Variants in METTL24 observed in about 807,000 individuals in gnomAD.
The protein encoded by METTL24 is probable methyltransferase-like protein 24.
METTL24 carries 29 observed loss-of-function variants against 32.7 expected under a neutral mutation model. The ratio of observed to expected loss-of-function variants is 0.89; its 90% CI spans 0.66 to 1.21. METTL24 has a LOEUF of 1.21. METTL24 is among the 50% of genes most tolerant of loss of function. The pLI, the probability that METTL24 is intolerant of heterozygous loss-of-function variation, is 0.00. For synonymous variants in METTL24, 163 were observed against 179.5 expected, an observed-to-expected ratio of 0.91 and a Z score of 0.73; for missense variants, 439 against 468.1, an observed-to-expected ratio of 0.94 and a Z score of 0.57.
intron 2 of METTL24, among the ~76,000 whole-genome samples, chr6:110,317,956 G>A (rs765761683): frequency 5.9e-5 from 9 of 152,112 alleles, no homozygotes; most frequent in Non-Finnish European, 1.2e-4. Context: ...GAGGCCTTTT[G>A]TAAAGCCCCA....
intron 3 of METTL24, among the ~76,000 whole-genome samples, chr6:110,299,500 A>G (rs1010734386): frequency 6.6e-6 from 1 of 152,194 alleles, no homozygotes; most frequent in Admixed American, 6.5e-5. Context: ...TATGTCCACA[A>G]ATATAAGCCC....
chr6:110,267,790 T>C (rs531780116), intron 4 of METTL24, among the ~76,000 whole-genome samples: 6 of 152,254 alleles, frequency 3.9e-5, no homozygotes, highest in African/African-American at 1.2e-4. Flanking sequence ...TCTGCTTCTG[T>C]GAGGGCTGCA....
chr6:110,344,641 A>C (rs1253489117), intron 1 of METTL24, among the ~76,000 whole-genome samples: 1 of 152,212 alleles, frequency 6.6e-6, no homozygotes, highest in Non-Finnish European at 1.5e-5. Flanking sequence ...ATATACCTGG[A>C]ATGTATATAC....
intron 4 of METTL24, among the ~76,000 whole-genome samples, chr6:110,293,729 G>A (rs1410647433): frequency 6.6e-6 from 1 of 151,968 alleles, no homozygotes; most frequent in Non-Finnish European, 1.5e-5. Flanking sequence ...GTGGTTACCA[G>A]GGGTTAGGGA....
At chr6:110,296,510 A>T (rs1468738161) in intron 4 of METTL24, among the ~76,000 whole-genome samples, 5 of 152,314 alleles carry the variant, frequency 3.3e-5, no homozygotes, top group South Asian at 4.1e-4. Context: ...GTTTGAGGTT[A>T]AAATTACCAA....
chr6:110,293,498 C>A (rs991221677), intron 4 of METTL24, among the ~76,000 whole-genome samples: 5 of 151,714 alleles, frequency 3.3e-5, no homozygotes, highest in Admixed American at 6.6e-5. Context: ...TTCTAGTATA[C>A]CATCATATTG....
intron 3 of METTL24, among the ~76,000 whole-genome samples, chr6:110,314,646 T>TAC (rs1771785250): frequency 6.6e-6 from 1 of 152,214 alleles, no homozygotes; most frequent in Non-Finnish European, 1.5e-5. Flanking sequence ...TTTTGGGTTA[T>TAC]ACATCATAAC....
chr6:110,318,605 T>A (rs1771870420), intron 2 of METTL24, among the ~76,000 whole-genome samples: 1 of 145,506 alleles, frequency 6.9e-6, no homozygotes, highest in South Asian at 2.2e-4. Context: ...TGAGCCGAGA[T>A]TGCGCCACTG....
chr6:110,320,962 C>T lies in METTL24; in HGVS notation c.417+1812G>A, dbSNP rs111817501. ...CTTTAAAAAAAAAAATTTGGCCAGG[C>T]GCAGTGGCTCACACCTGTAATCCCA... On this transcript the variant is annotated intron_variant, in intron 2 of 4. Coordinates refer to ENST00000338882, the MANE Select transcript of METTL24 (RefSeq NM_001123364.3). Among the ~76,000 whole-genome samples, 618 of 152,200 alleles carry T rather than the reference C, an allele frequency of 4.1e-3. 10 individuals carry two copies. The highest frequency in any genetic ancestry group is 0.014 in the African/African-American group (595 of 41,518).
chr6:110,270,981 G>C (rs922470345), intron 4 of METTL24, among the ~76,000 whole-genome samples: 11 of 151,138 alleles, frequency 7.3e-5, no homozygotes, highest in African/African-American at 2.7e-4. Flanking sequence ...TGGACTATAT[G>C]CGTGCGCCAC....
intron 1 of METTL24, among the ~76,000 whole-genome samples, chr6:110,348,057 G>A (rs977503221): frequency 1.3e-5 from 2 of 152,138 alleles, no homozygotes; most frequent in South Asian, 2.1e-4. Context: ...CACACACATC[G>A]ATACATTTTT....
chr6:110,320,666 A>G (rs1771915882), intron 2 of METTL24, among the ~76,000 whole-genome samples: 1 of 152,196 alleles, frequency 6.6e-6, no homozygotes, highest in Non-Finnish European at 1.5e-5. Flanking sequence ...TTATACATCC[A>G]GTTATCCACC....
At chr6:110,284,310 C>T (rs1771183664) in intron 4 of METTL24, among the ~76,000 whole-genome samples, 3 of 152,112 alleles carry the variant, frequency 2.0e-5, no homozygotes, top group African/African-American at 7.2e-5. Context: ...GTACTTAACA[C>T]TACTGAACTG....
intron 1 of METTL24, among the ~76,000 whole-genome samples, chr6:110,334,091 C>T (rs567414391): frequency 3.4e-5 from 5 of 148,736 alleles, no homozygotes; most frequent in Non-Finnish European, 5.9e-5. Flanking sequence ...AAAAGGGGGG[C>T]CTGAGAGAAA....
intron 2 of METTL24, among the ~76,000 whole-genome samples, chr6:110,318,234 C>G (rs1771861577): frequency 6.6e-6 from 1 of 152,218 alleles, no homozygotes; most frequent in African/African-American, 2.4e-5. Context: ...ACTTTGTCTA[C>G]TTTAAGCATT....
intron 3 of METTL24, among the ~76,000 whole-genome samples, chr6:110,314,981 G>C (rs151032889): frequency 4.7e-4 from 71 of 151,008 alleles, no homozygotes; most frequent in African/African-American, 1.6e-3. Flanking sequence ...AGAAAACTAA[G>C]TTTTTTGTGT....
intron 2 of METTL24, 108 bp downstream of exon 2, chr6:110,322,666 C>A: frequency 1.2e-6 from 1 of 810,682 alleles, no homozygotes; most frequent in Non-Finnish European, 2.0e-6. Flanking sequence ...ACTTCCCCAT[C>A]AAGTCCTCAT....
At chr6:110,322,988 T>C (rs1771956463) in intron 1 of METTL24, 116 bp from the exon 2 acceptor site, 11 of 667,310 alleles carry the variant, frequency 1.6e-5, no homozygotes, top group Non-Finnish European at 2.8e-5. Flanking sequence ...AACACACACA[T>C]ATGCACACAG....
chr6:110,334,730 A>G (rs1446037230), intron 1 of METTL24, among the ~76,000 whole-genome samples: 1 of 152,196 alleles, frequency 6.6e-6, no homozygotes, highest in Non-Finnish European at 1.5e-5. Flanking sequence ...GTATACATAT[A>G]TGTATTTCTC....
Sources: gnomAD v4.1 joint callset for allele counts (sites outside exome capture counted in the v4.1 genomes callset) on GRCh38, gnomAD v4.1.1 for gene constraint, MANE v1.5 for transcripts, NCBI Gene and HGNC (gene_info 2026-07-23, HGNC 2026-07-21) for gene names.